Variants in UNC80 observed in about 807,000 individuals in gnomAD.
UNC80 encodes protein unc-80 homolog.
A neutral mutation model predicts 384.6 loss-of-function variants in UNC80; 164 were observed. That is an observed-to-expected ratio of 0.43 (90% CI 0.38 to 0.49). The LOEUF is 0.49. Among genes scored for constraint, UNC80 ranks in the 20% least tolerant of loss-of-function variants. The probability of loss-of-function intolerance (pLI) is 0.00; values close to 1 mark genes in which losing one functional copy is unlikely to be tolerated. For missense variants in UNC80, 3,330 were observed against 4,143.0 expected (o/e 0.80, Z 5.39); for synonymous variants, 1,486 against 1,527.8 (o/e 0.97, Z 0.64).
intron 37 of UNC80, 75 bp downstream of exon 37, chr2:209,930,046 T>C (rs2124964372): frequency 2.1e-6 from 2 of 957,706 alleles, no homozygotes; most frequent in East Asian, 5.8e-5. Context: ...CAAAGAACTT[T>C]ATAGTGCAGT....
At chr2:209,973,793 T>C (rs1323875661) in intron 56 of UNC80, among the ~76,000 whole-genome samples, 1 of 152,232 alleles carries the variant, frequency 6.6e-6, no homozygotes, top group Non-Finnish European at 1.5e-5. Flanking sequence ...CATCCTATGC[T>C]GCAAGATTTG....
chr2:209,788,944 C>A lies in UNC80; in HGVS notation c.725-588C>A, dbSNP rs141569644. ...TCTATATAGGTGTATAATTTGTTAT[C>A]TTTTATACTGTATTTTTACTGATAT... On this transcript the variant is annotated intron_variant, in intron 5 of 64. Transcript: ENST00000673920. 1.0e-3 allele frequency among the ~76,000 whole-genome samples: 154 copies of A among 152,186 alleles called. No individual in the cohort carries two copies. In the Middle Eastern group the frequency reaches 0.01, roughly 10 times the overall value.
At chr2:209,810,016 C>T (rs542899562) in intron 7 of UNC80, among the ~76,000 whole-genome samples, 4 of 152,354 alleles carry the variant, frequency 2.6e-5, no homozygotes, top group African/African-American at 9.6e-5. Context: ...AGGCCACCCT[C>T]CGCGAGGTTT....
At chr2:209,952,432 A>T (rs970126165) in intron 47 of UNC80, among the ~76,000 whole-genome samples, 2 of 152,202 alleles carry the variant, frequency 1.3e-5, no homozygotes, top group African/African-American at 4.8e-5. Context: ...TCACACTGCT[A>T]GGATCAGCCT....
chr2:209,771,981 A>C lies in UNC80; in HGVS notation c.-92A>C. On this transcript the variant is annotated 5_prime_UTR_variant, in exon 1 of 65. It removes an upstream start codon present in the reference 5' UTR. Transcript: ENST00000673920. ...CGGCTCTGCCTCGGGGAAGGAGGGG[A>C]TGAGAGTTGGGAGCAGCGGGAGGAG... 1.1e-6 allele frequency: 1 copy of C among 884,526 alleles called. No homozygotes were observed. Among genetic ancestry groups the C allele is most frequent in the African/African-American group, 1.7e-5 (1 of 58,602 alleles). 54.8% of individuals were successfully genotyped at this position (884,526 alleles called of 1,614,324 possible).
chr2:209,813,883 T>G, intron 8 of UNC80, 42 bp downstream of exon 8: 1 of 1,536,996 alleles, frequency 6.5e-7, no homozygotes. Flanking sequence ...CCAGCAACTT[T>G]GCCATAATGG....
intron 31 of UNC80, among the ~76,000 whole-genome samples, chr2:209,916,987 A>G (rs1373209663): frequency 2.0e-5 from 3 of 152,190 alleles, no homozygotes; most frequent in Non-Finnish European, 4.4e-5. Context: ...GCAAGCTAAG[A>G]GAAGTTAAGA....
At position 209,792,422 on chromosome 2, in the gene UNC80, A is replaced by C. The variant is rs139904593; in HGVS notation, c.799-1298A>C. On this transcript the variant is annotated intron_variant, in intron 6 of 64. Coordinates refer to ENST00000673920, the MANE Select transcript of UNC80 (RefSeq NM_001371986.1). ...GAGTGCAGTGGCGCGATCTTGGCTC[A>C]CTGAAAGCTCCGCCTCCCGGGTTCA... is the stretch of plus-strand genomic sequence containing the variant. Among the ~76,000 whole-genome samples the C allele has an allele frequency of 4.9e-3, 743 of 152,320 alleles. 9 individuals carry two copies. Among genetic ancestry groups the C allele is most frequent in the African/African-American group, 0.017 (710 of 41,566 alleles).
intron 13 of UNC80, among the ~76,000 whole-genome samples, chr2:209,825,342 G>C (rs1380416556): frequency 6.6e-6 from 1 of 152,134 alleles, no homozygotes; most frequent in Non-Finnish European, 1.5e-5. Flanking sequence ...CTTAAGGGAA[G>C]AATCAAGCTG....
chr2:209,964,498 A>G (rs1353432576), intron 51 of UNC80, among the ~76,000 whole-genome samples: 2 of 152,168 alleles, frequency 1.3e-5, no homozygotes, highest in Non-Finnish European at 2.9e-5. Flanking sequence ...TTAATAAATA[A>G]CAAGATAAGG....
intron 47 of UNC80, among the ~76,000 whole-genome samples, chr2:209,950,127 G>A (rs540681285): frequency 1.3e-5 from 2 of 152,010 alleles, no homozygotes; most frequent in Admixed American, 6.5e-5. Context: ...AACTGTGCCT[G>A]CCTCAGATGA....
At position 209,809,504 on chromosome 2, in the gene UNC80, C is replaced by G. The variant is rs2079177635; in HGVS notation, c.939-4076C>G. ...GACGTCAAGAAGTACCAGTGCCAGG[C>G]GTGCGCTCGAACCTTCTCCCGAATG... On this transcript the variant is annotated intron_variant, in intron 7 of 64. Coordinates refer to ENST00000673920, the MANE Select transcript of UNC80 (RefSeq NM_001371986.1). 6.7e-6 allele frequency: 8 copies of G among 1,189,062 alleles called. No homozygotes were observed. The South Asian group carries it at 8.6e-5, about 13-fold the overall frequency. The allele number at this position is 1,189,062 out of a possible 1,614,324, so 73.7% of individuals were successfully genotyped here.
chr2:209,822,675 G>GT (rs1472858659), intron 13 of UNC80, among the ~76,000 whole-genome samples: 1 of 152,178 alleles, frequency 6.6e-6, no homozygotes, highest in East Asian at 1.9e-4. Context: ...TATAATTAGT[G>GT]TTTTGTTTTC....
rs2090720562 is a variant in UNC80 at position 209,929,916 on chromosome 2, A to C, written c.5852A>C (p.Asp1951Ala). 6.5e-7 allele frequency: 1 copy of C among 1,538,562 alleles called. No individual in the cohort carries two copies. Among genetic ancestry groups the C allele is most frequent in the Non-Finnish European group, 8.8e-7 (1 of 1,142,650 alleles). ...GTCTTATGGAACTGTCTAATTGAAG[A>C]TCCATCAACGGTTCTTCGACATTTT... Reference protein sequence around the residue: ...QQVLWNCLIEDPSTVLRHFLE... With the variant: ...QQVLWNCLIEAPSTVLRHFLE... Residue 1951 changes from aspartate to alanine, a missense_variant, in exon 37 of 65, where the codon GAT becomes GCT. Asp to Ala is a moderately radical substitution (Grantham distance 126). This residue lies in a region of UNC80 where 1,049 missense variants were observed against 1,488.6 expected (regional missense o/e 0.70). Coordinates refer to ENST00000673920, the MANE Select transcript of UNC80 (RefSeq NM_001371986.1).
At chr2:209,992,282 T>A in intron 62 of UNC80, 35 bp downstream of exon 62, 2 of 1,532,658 alleles carry the variant, frequency 1.3e-6, no homozygotes, top group Non-Finnish European at 1.8e-6. Flanking sequence ...AGAACCATCC[T>A]ACGAATTGGA....
intron 26 of UNC80, among the ~76,000 whole-genome samples, chr2:209,891,273 G>C (rs1237384154): frequency 6.6e-6 from 1 of 152,034 alleles, no homozygotes; most frequent in Non-Finnish European, 1.5e-5. Flanking sequence ...GGCCAAAAGA[G>C]GCCATGTTGC....
At chr2:209,927,581 A>G (rs1257629064) in intron 36 of UNC80, among the ~76,000 whole-genome samples, 1 of 152,236 alleles carries the variant, frequency 6.6e-6, no homozygotes, top group Non-Finnish European at 1.5e-5. Flanking sequence ...TAAAACTGTA[A>G]TAAATCTTAC....
chr2:209,991,786 A>G (rs568342244), intron 61 of UNC80, among the ~76,000 whole-genome samples: 1 of 152,294 alleles, frequency 6.6e-6, no homozygotes, highest in South Asian at 2.1e-4. Flanking sequence ...GTTCCCATCC[A>G]TGTGATAGAG....
At chr2:209,827,958 T>A (rs141978826) in intron 14 of UNC80, among the ~76,000 whole-genome samples, 3 of 152,190 alleles carry the variant, frequency 2.0e-5, no homozygotes, top group Admixed American at 6.6e-5. Flanking sequence ...AAGTTTTATA[T>A]CTTTTGAAGA....
Sources: allele counts gnomAD v4.1 joint callset (sites outside exome capture counted in the v4.1 genomes callset), GRCh38; gene constraint gnomAD v4.1.1; regional missense constraint gnomAD v4.1.1; transcripts MANE v1.5; gene names NCBI Gene and HGNC (gene_info 2026-07-23, HGNC 2026-07-21).